GLI2: variants seen among roughly 807,000 people sequenced by gnomAD.
GLI2 encodes transcription activator GLI2.
Under a neutral mutation model 78.9 loss-of-function variants are expected in GLI2, and 22 were observed. The ratio of observed to expected loss-of-function variants is 0.28; its 90% CI spans 0.20 to 0.40. GLI2 has a LOEUF of 0.40. Ranked by LOEUF, GLI2 falls within the 10% of genes least tolerant of loss-of-function variation. The probability of loss-of-function intolerance (pLI) is 1.00; values close to 1 mark genes in which losing one functional copy is unlikely to be tolerated. For synonymous variants in GLI2, 974 were observed against 963.7 expected (o/e 1.01, Z -0.20); for missense variants, 2,097 against 2,213.2 (o/e 0.95, Z 1.05).
chr2:120,932,259 G>GCTGAGC (rs201079321), intron 3 of GLI2, among the ~76,000 whole-genome samples: 1 of 152,274 alleles, frequency 6.6e-6, no homozygotes, highest in Admixed American at 6.5e-5. Context: ...TTCTGTGTCA[G>GCTGAGC]CTGAGCCTGA....
At chr2:120,954,325 T>C (rs929857949) in intron 4 of GLI2, among the ~76,000 whole-genome samples, 2 of 152,054 alleles carry the variant, frequency 1.3e-5, no homozygotes, top group African/African-American at 4.8e-5. Context: ...GGAGGGAACT[T>C]GAGGCATGGA....
chr2:120,805,236 C>T (rs1684892088), intron 2 of GLI2, among the ~76,000 whole-genome samples: 1 of 152,262 alleles, frequency 6.6e-6, no homozygotes, highest in Non-Finnish European at 1.5e-5. Context: ...AGCCCGGGGT[C>T]TGGACTCTGG....
chr2:120,967,599 C>T (rs966183460), intron 5 of GLI2, among the ~76,000 whole-genome samples: 9 of 152,230 alleles, frequency 5.9e-5, no homozygotes, highest in African/African-American at 9.6e-5. Flanking sequence ...TGTAGGTGTG[C>T]GACAGCAGCT....
chr2:120,956,752 C>T (rs1681285027), intron 5 of GLI2, among the ~76,000 whole-genome samples: 1 of 152,060 alleles, frequency 6.6e-6, no homozygotes, highest in Non-Finnish European at 1.5e-5. Flanking sequence ...AGGGGCAGCC[C>T]TGGTGCCTGC....
rs543270088 is a variant in GLI2 at position 120,858,859 on chromosome 2, T to C, written c.148+61391T>C. On this transcript the variant is annotated intron_variant, in intron 2 of 13. Coordinates refer to ENST00000361492, the MANE Select transcript of GLI2 (RefSeq NM_001374353.1). ...ATTACCTATTAAATAATTATCTCAT[T>C]TGGAAAGTGTTTCTTAATGTAGGGC... Among the ~76,000 whole-genome samples the C allele has an allele frequency of 1.1e-4, 16 of 152,316 alleles. No individual in the cohort carries two copies. In the South Asian group the frequency reaches 3.3e-3, roughly 32 times the overall value.
intron 1 of GLI2, among the ~76,000 whole-genome samples, chr2:120,767,891 A>G (rs1683411094): frequency 6.6e-6 from 1 of 152,154 alleles, no homozygotes; most frequent in Non-Finnish European, 1.5e-5. Context: ...GGAGGGAGAT[A>G]AATCTAGGAA....
rs193090538 is a variant in GLI2 at position 120,988,423 on chromosome 2, G to A, written c.2458G>A (p.Glu820Lys). 113 of 1,575,190 alleles carry A rather than the reference G, an allele frequency of 7.2e-5. No individual in the cohort carries two copies. The highest frequency in any genetic ancestry group is 4.4e-5 in the Non-Finnish European group (51 of 1,170,240). ...SPYFSSRRSS[E>K]ASPLGAGRPH... ...CTACTTCTCCAGCCGCCGCTCCAGC[G>A]AGGCCTCGCCCCTGGGCGCCGGCCG... The change falls in exon 14 of 14, where the codon GAG (glutamate) becomes AAG (lysine). Residue 820 changes from glutamate (E) to lysine (K), a missense_variant. Physicochemically the swap from Glu to Lys is moderately conservative, Grantham distance 56. Transcript: ENST00000361492.
intron 1 of GLI2, among the ~76,000 whole-genome samples, chr2:120,774,694 G>C (rs1683626334): frequency 6.6e-6 from 1 of 152,192 alleles, no homozygotes; most frequent in African/African-American, 2.4e-5. Context: ...GGGAAAAGCT[G>C]GCCAGAGGGG....
chr2:120,957,546 G>T (rs139123721), intron 5 of GLI2, among the ~76,000 whole-genome samples: 1 of 152,234 alleles, frequency 6.6e-6, no homozygotes, highest in African/African-American at 2.4e-5. Context: ...TCAGCTTCCT[G>T]CAAGCAGGAC....
Position 120,988,273 on chromosome 2 carries a change from C to T in GLI2, c.2308C>T (p.Arg770Trp), listed in dbSNP as rs745323708. 5 of 1,568,112 alleles carry T rather than the reference C, an allele frequency of 3.2e-6. No homozygotes were observed. Among genetic ancestry groups the T allele is most frequent in the East Asian group, 2.4e-5 (1 of 42,202 alleles). The change falls in exon 14 of 14, where the codon CGG becomes TGG. Residue 770 changes from arginine (R) to tryptophan (W), a missense_variant. This residue lies in a region of GLI2 where 1,290 missense variants were observed against 1,261.7 expected (regional missense o/e 1.02). Transcript: ENST00000361492. ...GGPAGLLPNPRLSELSASEVT... is the reference protein window; with the variant it reads ...GGPAGLLPNPWLSELSASEVT... Reference sequence around the variant, plus strand: ...GCCCGCGGGGCTGCTGCCGAACCCGCGGCTGTCGGAGCTGTCCGCGAGCGA... The same window carrying T: ...GCCCGCGGGGCTGCTGCCGAACCCGTGGCTGTCGGAGCTGTCCGCGAGCGA...
intron 2 of GLI2, among the ~76,000 whole-genome samples, chr2:120,827,149 G>T (rs1012596015): frequency 6.6e-6 from 1 of 152,208 alleles, no homozygotes; most frequent in African/African-American, 2.4e-5. Context: ...CTCAGAGCCA[G>T]CCCAGAAACA....
rs535106784 is a variant in GLI2 at position 120,769,940 on chromosome 2, GGTCCTGGC to G, written c.-30-27350_-30-27343del. On this transcript the variant is annotated intron_variant, in intron 1 of 13. Transcript: ENST00000361492. ...CTCTAGAAGGCAGCATGACTGGATG[GGTCCTGGC>G]TGACAAGTAGGTGCCTGCTGCCTCC... 3.9e-4 allele frequency among the ~76,000 whole-genome samples: 59 copies of G among 152,214 alleles called. 1 individual carries two copies. In the East Asian group the frequency reaches 9.3e-3, roughly 24 times the overall value.
chr2:120,762,815 G>A (rs1035388672), intron 1 of GLI2, among the ~76,000 whole-genome samples: 1 of 152,230 alleles, frequency 6.6e-6, no homozygotes, highest in Admixed American at 6.5e-5. Flanking sequence ...TTTAGTGAAG[G>A]CACAGGGCTA....
At chr2:120,798,806 A>G (rs551164274) in intron 2 of GLI2, among the ~76,000 whole-genome samples, 48 of 152,266 alleles carry the variant, frequency 3.2e-4, no homozygotes, top group Admixed American at 1.4e-3. Flanking sequence ...GGGGCCACAC[A>G]TGGTCTTTTC....
intron 1 of GLI2, among the ~76,000 whole-genome samples, chr2:120,742,617 C>T (rs1427800432): frequency 3.3e-5 from 5 of 150,914 alleles, no homozygotes; most frequent in African/African-American, 4.9e-5. Flanking sequence ...TTCCGAGGTG[C>T]CAGTCCTTTC....
At chr2:120,775,457 C>T (rs1010063871) in intron 1 of GLI2, among the ~76,000 whole-genome samples, 1 of 152,176 alleles carries the variant, frequency 6.6e-6, no homozygotes, top group African/African-American at 2.4e-5. Context: ...GCTTCTGATG[C>T]GAACAGTGCG....
At chr2:120,917,189 G>T (rs1679144749) in intron 2 of GLI2, among the ~76,000 whole-genome samples, 1 of 152,222 alleles carries the variant, frequency 6.6e-6, no homozygotes, top group Non-Finnish European at 1.5e-5. Flanking sequence ...TACCCATGAG[G>T]TTAACATTTT....
Position 120,866,453 on chromosome 2 carries a change from T to C in GLI2, c.149-60908T>C, listed in dbSNP as rs1282682446. Reference sequence around the variant, plus strand: ...CATTGCTTAAGGTAAGATCTCCCTTTTGGGGACAGAAGAGCTGTTTTTCAT... The same window carrying C: ...CATTGCTTAAGGTAAGATCTCCCTTCTGGGGACAGAAGAGCTGTTTTTCAT... On this transcript the variant is annotated intron_variant, in intron 2 of 13. Transcript: ENST00000361492. 3.3e-5 allele frequency: 5 copies of C among 152,282 alleles called. No individual in the cohort carries two copies. In the East Asian group the frequency reaches 9.6e-4, roughly 29 times the overall value. 9.4% of individuals were successfully genotyped at this position (152,282 alleles called of 1,614,324 possible).
intron 2 of GLI2, among the ~76,000 whole-genome samples, chr2:120,910,792 C>T (rs1395597520): frequency 6.6e-5 from 10 of 152,242 alleles, no homozygotes; most frequent in South Asian, 2.1e-4. Flanking sequence ...GGGTCCCTCC[C>T]GGACTTGCCT....
Sources: allele counts gnomAD v4.1 joint callset (sites outside exome capture counted in the v4.1 genomes callset), GRCh38; gene constraint gnomAD v4.1.1; regional missense constraint gnomAD v4.1.1; transcripts MANE v1.5; gene names NCBI Gene and HGNC (gene_info 2026-07-23, HGNC 2026-07-21).